Variants in PTPRT observed in about 807,000 individuals in gnomAD.
PTPRT encodes receptor-type tyrosine-protein phosphatase T.
PTPRT carries 56 observed loss-of-function variants against 176.8 expected under a neutral mutation model. That is an observed-to-expected ratio of 0.32 (90% CI 0.26 to 0.40). The LOEUF (loss-of-function observed/expected upper bound fraction) is 0.40. Ranked by LOEUF, PTPRT falls within the 10% of genes least tolerant of loss-of-function variation. PTPRT has a pLI of 1.00. For synonymous variants in PTPRT, 783 were observed against 739.0 expected (o/e 1.06, Z -0.96); for missense variants, 1,540 against 1,908.2 (o/e 0.81, Z 3.60).
At chr20:43,137,687 C>T (rs2013876810) in intron 1 of PTPRT, among the ~76,000 whole-genome samples, 2 of 152,318 alleles carry the variant, frequency 1.3e-5, no homozygotes, top group South Asian at 4.1e-4. Flanking sequence ...GCTATAGTGG[C>T]CTCTCTCCTT....
At chr20:42,467,458 C>T (rs937988034) in intron 8 of PTPRT, among the ~76,000 whole-genome samples, 1 of 152,074 alleles carries the variant, frequency 6.6e-6, no homozygotes, top group African/African-American at 2.4e-5. Flanking sequence ...CAAAGATATA[C>T]GGAACCCTGG....
At chr20:42,838,815 C>T (rs757759250) in intron 2 of PTPRT, among the ~76,000 whole-genome samples, 7 of 152,088 alleles carry the variant, frequency 4.6e-5, no homozygotes, top group Admixed American at 1.3e-4. Context: ...GTGTAGTGGC[C>T]ATCATTGGCT....
intron 7 of PTPRT, among the ~76,000 whole-genome samples, chr20:42,544,947 C>T (rs1375851809): frequency 6.6e-6 from 1 of 152,196 alleles, no homozygotes; most frequent in Non-Finnish European, 1.5e-5. Context: ...GCCACTGTGT[C>T]TGACCCAGAC....
intron 1 of PTPRT, among the ~76,000 whole-genome samples, chr20:43,089,127 T>C (rs2180436): frequency 0.49 from 75,139 of 151,982 alleles, 19,230 homozygotes; most frequent in East Asian, 0.76. Context: ...TTGATTTTAA[T>C]CCATGCACCC....
intron 6 of PTPRT, among the ~76,000 whole-genome samples, chr20:42,679,194 C>G (rs1248709225): frequency 6.6e-6 from 1 of 152,104 alleles, no homozygotes; most frequent in African/African-American, 2.4e-5. Flanking sequence ...CATGGCAAAG[C>G]TACAAAAATT....
At chr20:42,943,934 A>G (rs1023111237) in intron 1 of PTPRT, among the ~76,000 whole-genome samples, 2 of 152,110 alleles carry the variant, frequency 1.3e-5, no homozygotes, top group African/African-American at 4.8e-5. Flanking sequence ...CAGGAGGATC[A>G]CTTAAGCTCA....
At chr20:42,093,669 C>CT (rs1297983396) in intron 27 of PTPRT, among the ~76,000 whole-genome samples, 2 of 152,236 alleles carry the variant, frequency 1.3e-5, no homozygotes, top group Non-Finnish European at 2.9e-5. Flanking sequence ...GGCATCGGTC[C>CT]TCTCAGGAGT....
intron 2 of PTPRT, among the ~76,000 whole-genome samples, chr20:42,792,551 G>A (rs775072709): frequency 6.6e-6 from 1 of 152,098 alleles, no homozygotes; most frequent in Non-Finnish European, 1.5e-5. Flanking sequence ...ACAAGCAACT[G>A]GGAGGGCTGA....
At chr20:43,109,488 G>T (rs995823944) in intron 1 of PTPRT, among the ~76,000 whole-genome samples, 8 of 152,066 alleles carry the variant, frequency 5.3e-5, no homozygotes, top group African/African-American at 1.9e-4. Context: ...AGTCCCTCAA[G>T]ATTTGATATT....
intron 7 of PTPRT, among the ~76,000 whole-genome samples, chr20:42,524,365 G>T (rs2072231405): frequency 1.3e-5 from 2 of 152,046 alleles, no homozygotes; most frequent in South Asian, 4.2e-4. Context: ...CTTAGGTTTT[G>T]TTTATTACAA....
At chr20:43,074,089 G>A (rs1189089522) in intron 1 of PTPRT, among the ~76,000 whole-genome samples, 1 of 152,080 alleles carries the variant, frequency 6.6e-6, no homozygotes, top group Non-Finnish European at 1.5e-5. Context: ...TAGTATCTCT[G>A]TGGTATTAAA....
chr20:42,740,792 G>C (rs2076597534), intron 6 of PTPRT, among the ~76,000 whole-genome samples: 1 of 152,132 alleles, frequency 6.6e-6, no homozygotes, highest in Admixed American at 6.5e-5. Context: ...AGAGAGAGGG[G>C]AGGAGCCAGG....
At chr20:42,092,138 T>G (rs1323210747) in intron 27 of PTPRT, among the ~76,000 whole-genome samples, 1 of 152,098 alleles carries the variant, frequency 6.6e-6, no homozygotes, top group Non-Finnish European at 1.5e-5. Context: ...GAAAATGGTT[T>G]GGGCAACAGG....
chr20:43,077,707 G>A (rs2011315904), intron 1 of PTPRT, among the ~76,000 whole-genome samples: 1 of 152,084 alleles, frequency 6.6e-6, no homozygotes, highest in African/African-American at 2.4e-5. Flanking sequence ...TATGCAGAGG[G>A]AAAAAGGATA....
At chr20:42,197,764 G>A (rs757153052) in intron 16 of PTPRT, among the ~76,000 whole-genome samples, 12 of 151,990 alleles carry the variant, frequency 7.9e-5, no homozygotes, top group Non-Finnish European at 1.5e-4. Context: ...GAGAGAGGGT[G>A]AGTACAGCCA....
intron 11 of PTPRT, among the ~76,000 whole-genome samples, chr20:42,336,464 G>C (rs1207793213): frequency 6.6e-6 from 1 of 152,142 alleles, no homozygotes; most frequent in Non-Finnish European, 1.5e-5. Context: ...GTTGGGAATG[G>C]TTGGGCTATT....
At chr20:42,220,266 G>T (rs1334055696) in intron 15 of PTPRT, among the ~76,000 whole-genome samples, 1 of 152,184 alleles carries the variant, frequency 6.6e-6, no homozygotes, top group Non-Finnish European at 1.5e-5. Flanking sequence ...AGACATACAT[G>T]TTCCTAAGCT....
Position 42,883,820 on chromosome 20 carries a change from GCA to G in PTPRT, c.214+1985_214+1986del, listed in dbSNP as rs1286382218. On this transcript the variant is annotated intron_variant, in intron 2 of 30. Coordinates refer to ENST00000373187, the MANE Select transcript of PTPRT (RefSeq NM_007050.6). ...ACACACAACCCTTACACCCCCATAT[GCA>G]CACACACACACCCCCATACACATAG... Among the ~76,000 whole-genome samples, 4 of 40,290 alleles carry G rather than the reference GCA, an allele frequency of 9.9e-5. No individual in the cohort carries two copies. In the South Asian group the frequency reaches 2.7e-3, roughly 27 times the overall value. The allele number at this position is 40,290 out of a possible 152,430, so 26.4% of individuals were successfully genotyped here. A position where few individuals can be genotyped will look rare whatever the true frequency, so the allele number is the denominator to read the frequency against.
chr20:42,427,534 G>A (rs183891665), intron 9 of PTPRT, among the ~76,000 whole-genome samples: 9 of 152,214 alleles, frequency 5.9e-5, no homozygotes, highest in Admixed American at 5.2e-4. Context: ...TCTTAACGTG[G>A]CAGAAGGGGT....
Sources: allele counts gnomAD v4.1 joint callset (sites outside exome capture counted in the v4.1 genomes callset), GRCh38; gene constraint gnomAD v4.1.1; transcripts MANE v1.5; gene names NCBI Gene and HGNC (gene_info 2026-07-23, HGNC 2026-07-21).